Variants in SPATA16 observed in about 807,000 individuals in gnomAD.
SPATA16 encodes the protein spermatogenesis associated 16.
SPATA16 carries 36 observed loss-of-function variants against 63.3 expected under a neutral mutation model. The observed-to-expected ratio is 0.57, with a 90% confidence interval of 0.44 to 0.75. SPATA16 has a LOEUF of 0.75. Among genes scored for constraint, SPATA16 ranks in the 30% least tolerant of loss-of-function variants. SPATA16 has a pLI of 0.00. For synonymous variants in SPATA16, 203 were observed against 216.7 expected, an observed-to-expected ratio of 0.94 and a Z score of 0.56; for missense variants, 646 against 679.3, an observed-to-expected ratio of 0.95 and a Z score of 0.54.
rs1732420335 is a variant in SPATA16, at chr3:172,913,703, T to A, written c.1545A>T (p.Gly515=). Residue 515 remains glycine, a synonymous_variant, in exon 10 of 11, where the codon GGA becomes GGT. Coordinates refer to ENST00000351008, the MANE Select transcript of SPATA16 (RefSeq NM_031955.6). ...ACACACGTTCATTATTGTTTCTTCT[T>A]CCTTCAAGGGTGTCCATAGCATCTG... is the stretch of plus-strand genomic sequence containing the variant. ...LMADAMDTLE[G]RRNNNERVWN... is the part of the protein sequence containing the mutation. 6.2e-7 allele frequency: 1 copy of A among 1,613,736 alleles called. No individual in the cohort carries two copies. Among genetic ancestry groups the A allele is most frequent in the Non-Finnish European group, 8.5e-7 (1 of 1,179,840 alleles).
intron 5 of SPATA16, among the ~76,000 whole-genome samples, chr3:172,967,465 A>T (rs1489369049): frequency 6.6e-6 from 1 of 152,094 alleles, no homozygotes; most frequent in Non-Finnish European, 1.5e-5. Flanking sequence ...TGATGCCTGA[A>T]TTTTTTAGTT....
chr3:172,906,649 T>C (rs935296053), intron 10 of SPATA16, among the ~76,000 whole-genome samples: 2 of 152,236 alleles, frequency 1.3e-5, no homozygotes, highest in Non-Finnish European at 2.9e-5. Flanking sequence ...AGAAAGAGTT[T>C]AGGCTCCAGG....
chr3:173,109,438 G>A (rs1737695844), intron 2 of SPATA16, among the ~76,000 whole-genome samples: 1 of 152,158 alleles, frequency 6.6e-6, no homozygotes, highest in African/African-American at 2.4e-5. Flanking sequence ...GTAAGGAAGA[G>A]TGGCCCATCA....
intron 5 of SPATA16, among the ~76,000 whole-genome samples, chr3:172,975,457 C>T (rs1410636718): frequency 6.6e-6 from 1 of 152,142 alleles, no homozygotes; most frequent in Non-Finnish European, 1.5e-5. Context: ...ATTCACAACT[C>T]CTTTCCCACC....
chr3:173,130,407 C>T (rs1738347050), intron 1 of SPATA16, among the ~76,000 whole-genome samples: 1 of 146,754 alleles, frequency 6.8e-6, no homozygotes, highest in Non-Finnish European at 1.5e-5. Flanking sequence ...CCCCAAACAT[C>T]TCATATAATA....
intron 5 of SPATA16, among the ~76,000 whole-genome samples, chr3:172,970,497 C>T (rs1021152460): frequency 1.2e-4 from 19 of 152,182 alleles, no homozygotes; most frequent in Non-Finnish European, 1.5e-4. Context: ...TGACTGGACA[C>T]TCAATGCCAA....
intron 3 of SPATA16, among the ~76,000 whole-genome samples, chr3:173,021,127 A>G (rs1735321025): frequency 6.6e-6 from 1 of 152,200 alleles, no homozygotes; most frequent in Admixed American, 6.5e-5. Context: ...GTAGAAAAAA[A>G]TCTGTCTGGC....
intron 5 of SPATA16, among the ~76,000 whole-genome samples, chr3:172,965,284 G>A (rs529831525): frequency 5.3e-5 from 8 of 152,298 alleles, no homozygotes; most frequent in African/African-American, 1.7e-4. Flanking sequence ...GAGCCATTAT[G>A]CTATGCTGAC....
At chr3:173,118,338 T>G (rs911450634) in intron 1 of SPATA16, among the ~76,000 whole-genome samples, 2 of 152,240 alleles carry the variant, frequency 1.3e-5, no homozygotes, top group African/African-American at 4.8e-5. Context: ...AAGAAGAACA[T>G]GACCTTCAAT....
At chr3:173,099,063 G>A (rs999296886) in intron 2 of SPATA16, among the ~76,000 whole-genome samples, 3 of 152,152 alleles carry the variant, frequency 2.0e-5, no homozygotes, top group Non-Finnish European at 2.9e-5. Context: ...GTCATGGCTT[G>A]ATGACTCAGG....
chr3:172,896,217 A>C (rs1242651149), intron 10 of SPATA16, among the ~76,000 whole-genome samples: 2 of 151,912 alleles, frequency 1.3e-5, no homozygotes, highest in Non-Finnish European at 2.9e-5. Flanking sequence ...ATTTAGTTTT[A>C]TTTATTATTT....
chr3:172,968,941 A>C (rs1466157778), intron 5 of SPATA16, among the ~76,000 whole-genome samples: 1 of 152,220 alleles, frequency 6.6e-6, no homozygotes, highest in Non-Finnish European at 1.5e-5. Flanking sequence ...ATCTTTTTGC[A>C]AGACCCAGGA....
chr3:173,090,861 G>C (rs1243033668), intron 2 of SPATA16, among the ~76,000 whole-genome samples: 4 of 152,202 alleles, frequency 2.6e-5, no homozygotes, highest in Admixed American at 2.6e-4. Flanking sequence ...GGGACCAGAA[G>C]AGTGGCAAGA....
chr3:172,953,127 A>G (rs1316007213), intron 6 of SPATA16, among the ~76,000 whole-genome samples: 1 of 152,078 alleles, frequency 6.6e-6, no homozygotes, highest in Non-Finnish European at 1.5e-5. Flanking sequence ...AGGAAAAGGG[A>G]AAAATATGGT....
intron 6 of SPATA16, among the ~76,000 whole-genome samples, chr3:172,945,684 G>A (rs1733266669): frequency 6.6e-6 from 1 of 152,168 alleles, no homozygotes; most frequent in Non-Finnish European, 1.5e-5. Flanking sequence ...CATGGAGGGA[G>A]CATTTAGATC....
chr3:173,064,780 A>G (rs1230295387), intron 2 of SPATA16, among the ~76,000 whole-genome samples: 1 of 152,226 alleles, frequency 6.6e-6, no homozygotes, highest in African/African-American at 2.4e-5. Context: ...GGTTATAGCT[A>G]AGCCCAAAGT....
chr3:172,954,488 C>T (rs977443976), intron 6 of SPATA16, among the ~76,000 whole-genome samples: 7 of 152,116 alleles, frequency 4.6e-5, no homozygotes, highest in Admixed American at 3.9e-4. Context: ...GAAACTACCA[C>T]GAAAACAAAG....
intron 4 of SPATA16, among the ~76,000 whole-genome samples, chr3:173,010,749 C>T (rs913155524): frequency 6.6e-6 from 1 of 152,050 alleles, no homozygotes; most frequent in African/African-American, 2.4e-5. Flanking sequence ...GCTCAAAGTA[C>T]TTCCGAAAAT....
intron 2 of SPATA16, among the ~76,000 whole-genome samples, chr3:173,084,287 CGTTT>C (rs1736994940): frequency 6.6e-6 from 1 of 152,106 alleles, no homozygotes; most frequent in African/African-American, 2.4e-5. Flanking sequence ...AGCTTTTTAT[CGTTT>C]GTTTGTTGGC....
Sources: allele counts gnomAD v4.1 joint callset (sites outside exome capture counted in the v4.1 genomes callset), GRCh38; gene constraint gnomAD v4.1.1; transcripts MANE v1.5; gene names NCBI Gene and HGNC (gene_info 2026-07-23, HGNC 2026-07-21).